The following YEATS4 variants were observed in gnomAD, a reference collection of about 807,000 sequenced individuals.
YEATS4 encodes the protein YEATS domain containing 4.
In YEATS4, 17 loss-of-function variants were observed where a neutral mutation model predicts 30.1. The ratio of observed to expected loss-of-function variants is 0.56; its 90% confidence interval spans 0.39 to 0.85. YEATS4 has a LOEUF of 0.85. Among genes scored for constraint, YEATS4 ranks in the 40% least tolerant of loss-of-function variants. The pLI, the probability that YEATS4 is intolerant of heterozygous loss-of-function variation, is 0.00. For missense variants in YEATS4, 142 were observed against 268.3 expected (o/e 0.53, Z 3.29); for synonymous variants, 85 against 87.5 (o/e 0.97, Z 0.16).
the YEATS4 span, among the ~76,000 whole-genome samples, chr12:69,418,301 A>C: frequency 1.3e-5 from 2 of 152,144 alleles, no homozygotes; most frequent in Non-Finnish European, 2.9e-5. Context: ...AAAATACAAA[A>C]ATTAGCGGGG....
chr12:69,391,466 A>C (rs554116789), downstream of YEATS4, among the ~76,000 whole-genome samples: 1 of 152,232 alleles, frequency 6.6e-6, no homozygotes, highest in South Asian at 2.1e-4. Flanking sequence ...TTAATACCTA[A>C]TCTTTAAAGG....
At chr12:69,380,419 ACT>A (rs1876030040) in intron 6 of YEATS4, among the ~76,000 whole-genome samples, 1 of 152,006 alleles carries the variant, frequency 6.6e-6, no homozygotes, top group Non-Finnish European at 1.5e-5. Context: ...GCAGGCAGAG[ACT>A]CTTGTTCTCG....
At chr12:69,396,916 C>T in the YEATS4 span, among the ~76,000 whole-genome samples, 9 of 152,186 alleles carry the variant, frequency 5.9e-5, no homozygotes, top group South Asian at 2.1e-4. Flanking sequence ...TATACTACTG[C>T]GAGTTTATAG....
the YEATS4 span, among the ~76,000 whole-genome samples, chr12:69,402,552 A>G: frequency 6.6e-6 from 1 of 152,164 alleles, no homozygotes; most frequent in Non-Finnish European, 1.5e-5. Context: ...TAAGCATTTT[A>G]TGGTCTCTGT....
intron 6 of YEATS4, 88 bp from the exon 7 acceptor site, chr12:69,390,059 G>A: frequency 9.5e-7 from 1 of 1,056,790 alleles, no homozygotes; most frequent in Non-Finnish European, 1.3e-6. Context: ...TGGAAACATT[G>A]TCGTCAGGAA....
intron 2 of YEATS4, 65 bp from the exon 3 acceptor site, chr12:69,365,568 C>A: frequency 8.8e-7 from 1 of 1,133,922 alleles, no homozygotes; most frequent in South Asian, 1.3e-5. Flanking sequence ...TATATACGCT[C>A]AGTGTATTTT....
At chr12:69,391,874 G>T (rs1262448672), downstream of YEATS4, among the ~76,000 whole-genome samples, 1 of 152,090 alleles carries the variant, frequency 6.6e-6, no homozygotes, top group Non-Finnish European at 1.5e-5. Flanking sequence ...GAATGTATTG[G>T]TTCAAATGTA....
At chr12:69,368,524 T>C (rs1024306623) in intron 4 of YEATS4, among the ~76,000 whole-genome samples, 2 of 152,214 alleles carry the variant, frequency 1.3e-5, no homozygotes, top group African/African-American at 4.8e-5. Flanking sequence ...AATTTCTTAA[T>C]TGTAAAAGTC....
intron 6 of YEATS4, 42 bp from the exon 7 acceptor site, chr12:69,390,105 A>G: frequency 6.7e-7 from 1 of 1,498,788 alleles, no homozygotes; most frequent in South Asian, 1.3e-5. Flanking sequence ...TATCTTAAAC[A>G]TGTGAGAAAA....
At chr12:69,387,079 T>G (rs1270310205) in intron 6 of YEATS4, among the ~76,000 whole-genome samples, 1 of 152,030 alleles carries the variant, frequency 6.6e-6, no homozygotes, top group Non-Finnish European at 1.5e-5. Context: ...ACTGTAAGCA[T>G]GGAAAATGAA....
At chr12:69,404,354 G>A in the YEATS4 span, among the ~76,000 whole-genome samples, 4 of 152,278 alleles carry the variant, frequency 2.6e-5, no homozygotes, top group East Asian at 7.7e-4. Context: ...CTAAAATTTG[G>A]TTGCCATTGT....
chr12:69,395,332 G>A (rs1281044127), downstream of YEATS4, among the ~76,000 whole-genome samples: 1 of 152,020 alleles, frequency 6.6e-6, no homozygotes, highest in Non-Finnish European at 1.5e-5. Context: ...TGGAAGCAAG[G>A]CAAATGTCTA....
chr12:69,418,459 A>C, the YEATS4 span, among the ~76,000 whole-genome samples: 29 of 152,210 alleles, frequency 1.9e-4, no homozygotes, highest in African/African-American at 7.0e-4. Flanking sequence ...CTCAAAAAAA[A>C]CATTGTTTAT....
chr12:69,370,965 T>G lies in YEATS4; in HGVS notation c.504T>G (p.His168Gln), dbSNP rs199732701. The change falls in exon 6 of 7, where the codon CAT becomes CAG. Residue 168 changes from histidine to glutamine, a missense_variant. Coordinates refer to ENST00000247843, the MANE Select transcript of YEATS4 (RefSeq NM_006530.4). ...AGCTAACATTAGGAGCCTATAAGCA[T>G]GAAACAGAATGTAAGTGCCATGCAT... ...SRQLTLGAYK[H>Q]ETEFAELEVK... The G allele has an allele frequency of 1.2e-6, 2 of 1,609,888 alleles. No individual in the cohort carries two copies. Among genetic ancestry groups the G allele is most frequent in the East Asian group, 4.5e-5 (2 of 44,798 alleles).
chr12:69,384,436 A>G (rs1197245590), intron 6 of YEATS4, among the ~76,000 whole-genome samples: 1 of 152,224 alleles, frequency 6.6e-6, no homozygotes, highest in African/African-American at 2.4e-5. Context: ...TCAATAAATT[A>G]AGTTTTCTGT....
chr12:69,391,801 G>A (rs763038961), downstream of YEATS4, among the ~76,000 whole-genome samples: 16 of 152,090 alleles, frequency 1.1e-4, no homozygotes, highest in Non-Finnish European at 1.8e-4. Context: ...ATAACATGAG[G>A]GAAAAGCCCC....
At chr12:69,374,593 T>C (rs1875769384) in intron 6 of YEATS4, among the ~76,000 whole-genome samples, 1 of 151,968 alleles carries the variant, frequency 6.6e-6, no homozygotes, top group African/African-American at 2.4e-5. Flanking sequence ...GTACTTGAGA[T>C]TAGGGAGTAT....
the YEATS4 span, among the ~76,000 whole-genome samples, chr12:69,414,515 G>A: frequency 6.6e-6 from 1 of 152,210 alleles, no homozygotes; most frequent in East Asian, 1.9e-4. Flanking sequence ...GCAGGCATGA[G>A]CCACCATGCC....
rs185249192 is a variant in YEATS4, at chr12:69,375,795, G to A, written c.514+4820G>A. Among the ~76,000 whole-genome samples, 755 of 152,214 alleles carry A rather than the reference G, an allele frequency of 5.0e-3. 4 individuals carry two copies. Among genetic ancestry groups the A allele is most frequent in the African/African-American group, 0.017 (717 of 41,538 alleles). ...TGCGCGCCTGCAATCCCAGGCACTC[G>A]GCAGGCTGAGGCAGGAGAATCAGGC... On this transcript the variant is annotated intron_variant, in intron 6 of 6. Coordinates refer to ENST00000247843, the MANE Select transcript of YEATS4 (RefSeq NM_006530.4).
Sources: allele counts gnomAD v4.1 joint callset (sites outside exome capture counted in the v4.1 genomes callset), GRCh38; gene constraint gnomAD v4.1.1; transcripts MANE v1.5; gene names NCBI Gene and HGNC (gene_info 2026-07-23, HGNC 2026-07-21).